The following MET variants were observed in gnomAD, a reference collection of about 807,000 sequenced individuals.
The protein encoded by MET is MET proto-oncogene, receptor tyrosine kinase, also known as hepatocyte growth factor receptor.
A neutral mutation model predicts 133.1 loss-of-function variants in MET; 48 were observed. The ratio of observed to expected loss-of-function variants is 0.36; its 90% CI spans 0.29 to 0.46. The LOEUF (loss-of-function observed/expected upper bound fraction) is 0.46. MET is among the 20% of genes least tolerant of loss of function. The pLI is 1.00. For synonymous variants in MET, 628 were observed against 616.5 expected (o/e 1.02, Z -0.28); for missense variants, 1,442 against 1,695.9 (o/e 0.85, Z 2.63).
intron 9 of MET, 129 bp from the exon 10 acceptor site, chr7:116,759,262 A>T (rs1794304425): frequency 7.2e-7 from 1 of 1,382,896 alleles, no homozygotes; most frequent in Non-Finnish European, 9.8e-7. Context: ...GTTACCCATG[A>T]ACTTCCATTT....
Position 116,795,888 on chromosome 7 carries a change from T to C in MET, c.3937T>C (p.Tyr1313His), listed in dbSNP as rs1290917552. 1.9e-6 allele frequency: 3 copies of C among 1,614,070 alleles called. No individual in the cohort carries two copies. Among genetic ancestry groups the C allele is most frequent in the East Asian group, 2.2e-5 (1 of 44,890 alleles). The change falls in exon 21 of 21, where the codon TAT becomes CAT. Residue 1313 changes from tyrosine (Y) to histidine (H), a missense_variant and splice_region_variant. By Grantham distance (83) the Tyr-to-His change is moderately conservative. Transcript: ENST00000397752. ...AGCATGTCTTTCTTTTTGGAACAGA[T>C]ATGAAGTAATGCTAAAATGCTGGCA... ...LQPEYCPDPL[Y>H]EVMLKCWHPK...
intron 3 of MET, among the ~76,000 whole-genome samples, chr7:116,734,223 CA>C (rs1268301263): frequency 6.6e-6 from 1 of 151,894 alleles, no homozygotes; most frequent in African/African-American, 2.4e-5. Flanking sequence ...ATAGAATGGA[CA>C]TTTTTTTTCC....
At chr7:116,762,099 A>G (rs1298727386) in intron 10 of MET, among the ~76,000 whole-genome samples, 1 of 152,236 alleles carries the variant, frequency 6.6e-6, no homozygotes, top group Non-Finnish European at 1.5e-5. Flanking sequence ...ACATTTTCCA[A>G]AATTCCATAA....
chr7:116,706,755 G>A (rs546754403), intron 2 of MET, among the ~76,000 whole-genome samples: 1 of 152,180 alleles, frequency 6.6e-6, no homozygotes, highest in East Asian at 1.9e-4. Context: ...ACAGAGTTCA[G>A]AATGATTCAG....
chr7:116,750,454 C>T (rs184815676), intron 5 of MET, among the ~76,000 whole-genome samples: 49 of 152,240 alleles, frequency 3.2e-4, no homozygotes, highest in African/African-American at 4.3e-4. Flanking sequence ...AAGACTTAAA[C>T]GCAAGACCTA....
intron 1 of MET, among the ~76,000 whole-genome samples, chr7:116,684,387 C>A (rs1421571748): frequency 1.3e-5 from 2 of 152,168 alleles, no homozygotes; most frequent in African/African-American, 4.8e-5. Flanking sequence ...TGACACTATG[C>A]TAAGGGCTAA....
chr7:116,729,127 G>C (rs922985827), intron 2 of MET, among the ~76,000 whole-genome samples: 1 of 152,212 alleles, frequency 6.6e-6, no homozygotes, highest in Non-Finnish European at 1.5e-5. Flanking sequence ...TTAATCGGTT[G>C]CTATCGAATT....
chr7:116,763,187 T>G lies in MET; in HGVS notation c.2502T>G (p.Ile834Met), dbSNP rs45450897. 1 of 1,614,062 alleles carries G rather than the reference T, an allele frequency of 6.2e-7. No individual in the cohort carries two copies. The highest frequency in any genetic ancestry group is 2.2e-5 in the East Asian group (1 of 44,860). Reference protein sequence around the residue: ...DGILSKYFDLIYVHNPVFKPF... With the variant: ...DGILSKYFDLMYVHNPVFKPF... ...TCCTTTCCAAATACTTTGATCTCAT[T>G]TATGTACATAATCCTGTGTTTAAGC... The change falls in exon 11 of 21, where the codon ATT (isoleucine) becomes ATG (methionine). Residue 834 changes from isoleucine to methionine, a missense_variant. This residue lies in a region of MET where 514 missense variants were observed against 659.6 expected (regional missense o/e 0.78). Transcript: ENST00000397752.
chr7:116,764,598 A>C (rs899088190), intron 11 of MET, among the ~76,000 whole-genome samples: 1 of 152,140 alleles, frequency 6.6e-6, no homozygotes, highest in African/African-American at 2.4e-5. Flanking sequence ...TTCCAAGCAC[A>C]GTCTTTATGG....
intron 2 of MET, among the ~76,000 whole-genome samples, chr7:116,722,598 A>G (rs1221787363): frequency 6.6e-6 from 1 of 151,376 alleles, no homozygotes; most frequent in Non-Finnish European, 1.5e-5. Flanking sequence ...ACATTTTGGC[A>G]TGATTTTGCA....
chr7:116,744,068 A>G (rs1024933536), intron 5 of MET, among the ~76,000 whole-genome samples: 3 of 152,246 alleles, frequency 2.0e-5, no homozygotes, highest in African/African-American at 7.2e-5. Flanking sequence ...TGATAAATCC[A>G]TGAAGATGAG....
At position 116,755,424 on chromosome 7, in the gene MET, C is replaced by T. The variant is rs45602940; in HGVS notation, c.1771C>T (p.Arg591Trp). Residue 591 changes from arginine to tryptophan, a missense_variant, in exon 6 of 21, where the codon CGG (arginine) becomes TGG (tryptophan). Around this residue, in one of 6 missense-constraint regions of MET, gnomAD observed 762 missense variants for 792.4 expected, o/e 0.96. Coordinates refer to ENST00000397752, the MANE Select transcript of MET (RefSeq NM_000245.4). ...LTICGWDFGF[R>W]RNNKFDLKKT... ...CATATGTGGCTGGGACTTTGGATTT[C>T]GGAGGAATAATAAATTTGATTTAAA... 47 of 1,613,872 alleles carry T rather than the reference C, an allele frequency of 2.9e-5. No individual in the cohort carries two copies. The African/African-American group carries it at 4.5e-4, about 16-fold the overall frequency.
chr7:116,700,280 A>G lies in MET; in HGVS notation c.1196A>G (p.Asn399Ser), dbSNP rs1377758118. The G allele has an allele frequency of 1.2e-6, 2 of 1,603,268 alleles. No individual in the cohort carries two copies. Among genetic ancestry groups the G allele is most frequent in the Non-Finnish European group, 1.7e-6 (2 of 1,178,786 alleles). Reference protein sequence around the residue: ...FYGPNHEHCFNRTLLRNSSGC... With the variant: ...FYGPNHEHCFSRTLLRNSSGC... ...GGACCCAATCATGAGCACTGCTTTA[A>G]TAGGGTAAGTCACATCAGTTCCCCA... Residue 399 changes from asparagine (N) to serine (S), a missense_variant, in exon 2 of 21, where the codon AAT (asparagine) becomes AGT (serine). This residue lies in a region of MET where 762 missense variants were observed against 792.4 expected (regional missense o/e 0.96). Transcript: ENST00000397752.
intron 5 of MET, among the ~76,000 whole-genome samples, chr7:116,744,243 A>C (rs1479103687): frequency 6.6e-6 from 1 of 152,170 alleles, no homozygotes; most frequent in Non-Finnish European, 1.5e-5. Context: ...AACTCCTCCA[A>C]GCTAAAGGAG....
At position 116,754,556 on chromosome 7, in the gene MET, C is replaced by T. The variant is rs1012523074; in HGVS notation, c.1702-799C>T. 9.2e-5 allele frequency among the ~76,000 whole-genome samples: 14 copies of T among 152,104 alleles called. No individual in the cohort carries two copies. In the East Asian group the frequency reaches 2.5e-3, roughly 27 times the overall value. On this transcript the variant is annotated intron_variant, in intron 5 of 20. Transcript: ENST00000397752. Reference sequence around the variant, plus strand: ...CCAAAAAGGGCCAGGTCCAATGGCTCATGCTTGTAATCCTAGCACTTTGGG... The same window carrying T: ...CCAAAAAGGGCCAGGTCCAATGGCTTATGCTTGTAATCCTAGCACTTTGGG...
chr7:116,757,895 A>T, intron 8 of MET, 121 bp downstream of exon 8: 1 of 1,127,196 alleles, frequency 8.9e-7, no homozygotes, highest in Non-Finnish European at 1.3e-6. Context: ...TTATTTGTTT[A>T]CTCTCCTACT....
At chr7:116,683,739 T>C (rs1796444406) in intron 1 of MET, among the ~76,000 whole-genome samples, 2 of 152,226 alleles carry the variant, frequency 1.3e-5, no homozygotes, top group Admixed American at 1.3e-4. Context: ...TTTTTATCCC[T>C]TTTGACCCGT....
At chr7:116,754,983 G>GAAAGAAAGAAAGAAAGAAA (rs778450148) in intron 5 of MET, among the ~76,000 whole-genome samples, 1 of 78,632 alleles carries the variant, frequency 1.3e-5, no homozygotes, top group Non-Finnish European at 2.6e-5. Flanking sequence ...AGCAGAGAAA[G>GAAAGAAAGAAAGAAAGAAA]GAAAGAAAGA....
chr7:116,695,420 T>C (rs1796927894), intron 1 of MET, among the ~76,000 whole-genome samples: 1 of 152,258 alleles, frequency 6.6e-6, no homozygotes. Context: ...TACTCTATAT[T>C]GATCAAAGTG....
Sources: gnomAD v4.1 joint callset for allele counts (sites outside exome capture counted in the v4.1 genomes callset) on GRCh38, gnomAD v4.1.1 for gene constraint, gnomAD v4.1.1 regional missense constraint, MANE v1.5 for transcripts, NCBI Gene and HGNC (gene_info 2026-07-23, HGNC 2026-07-21) for gene names.